Variants in ANKRD50 observed in about 807,000 individuals in gnomAD.
ANKRD50 encodes the protein ankyrin repeat domain 50, also known as ankyrin repeat domain-containing protein 50.
In ANKRD50, 40 loss-of-function variants were observed where a neutral mutation model predicts 112.0. The observed-to-expected ratio is 0.36, with a 90% CI of 0.28 to 0.46. The LOEUF (loss-of-function observed/expected upper bound fraction) is 0.46, where lower values mean the gene tolerates loss of function less well. Among genes scored for constraint, ANKRD50 ranks in the 20% least tolerant of loss-of-function variants. The pLI is 1.00. For missense variants in ANKRD50, 1,487 were observed against 1,701.7 expected, an observed-to-expected ratio of 0.87 and a Z score of 2.22; for synonymous variants, 613 against 619.1, an observed-to-expected ratio of 0.99 and a Z score of 0.15.
rs1725667721 is a variant in ANKRD50, at chr4:124,712,732, T to C, written c.-1038A>G. ...CCGCCGCCGCCGTCAGGGCAGTAAC[T>C]GTCTCAGGCAGCCCCCGGCCGGCCG... On this transcript the variant is annotated 5_prime_UTR_variant, in exon 1 of 5. Transcript: ENST00000504087. 6.5e-6 allele frequency: 1 copy of C among 152,830 alleles called. No homozygotes were observed. The highest frequency in any genetic ancestry group is 1.4e-5 in the Non-Finnish European group (1 of 69,418). 9.5% of individuals were successfully genotyped at this position (152,830 alleles called of 1,614,324 possible).
At chr4:124,679,601 T>C (rs947281313) in intron 2 of ANKRD50, among the ~76,000 whole-genome samples, 4 of 152,168 alleles carry the variant, frequency 2.6e-5, no homozygotes, top group African/African-American at 9.7e-5. Flanking sequence ...AATATTTACT[T>C]GATGTGTGCT....
chr4:124,686,171 T>C (rs544376459), intron 2 of ANKRD50, among the ~76,000 whole-genome samples: 1 of 152,312 alleles, frequency 6.6e-6, no homozygotes, highest in South Asian at 2.1e-4. Context: ...GAATATACTA[T>C]TAGATAATAG....
At chr4:124,704,437 T>C (rs1725460123) in intron 2 of ANKRD50, among the ~76,000 whole-genome samples, 1 of 152,176 alleles carries the variant, frequency 6.6e-6, no homozygotes, top group Non-Finnish European at 1.5e-5. Flanking sequence ...GAGATAGATA[T>C]CTGGCCACTT....
At position 124,664,483 on chromosome 4, in the gene ANKRD50, T is replaced by A. The variant is rs1432921128; in HGVS notation, c.*3035A>T. 1.3e-5 allele frequency: 2 copies of A among 152,424 alleles called. No homozygotes were observed. Among genetic ancestry groups the A allele is most frequent in the Non-Finnish European group, 2.9e-5 (2 of 67,904 alleles). 9.4% of individuals were successfully genotyped at this position (152,424 alleles called of 1,614,324 possible). Reference sequence around the variant, plus strand: ...TCAAGGACAAAATTAAAACAAGATCTTCTCTGTAAAGCAAATATATTTATT... The same window carrying A: ...TCAAGGACAAAATTAAAACAAGATCATCTCTGTAAAGCAAATATATTTATT... On this transcript the variant is annotated 3_prime_UTR_variant, in exon 5 of 5. Coordinates refer to ENST00000504087, the MANE Select transcript of ANKRD50 (RefSeq NM_020337.3).
At chr4:124,709,940 A>C (rs1316383587) in intron 2 of ANKRD50, 60 bp downstream of exon 2, 1 of 1,540,472 alleles carries the variant, frequency 6.5e-7, no homozygotes, top group African/African-American at 1.4e-5. Context: ...AAAAACTACA[A>C]CTAAAAATTA....
intron 2 of ANKRD50, among the ~76,000 whole-genome samples, chr4:124,704,816 T>TCAC (rs1725467913): frequency 2.6e-5 from 4 of 152,094 alleles, no homozygotes; most frequent in Admixed American, 2.0e-4. Flanking sequence ...ACAACACGGC[T>TCAC]GGGCGCAGTG....
chr4:124,702,850 T>G (rs1725420282), intron 2 of ANKRD50, among the ~76,000 whole-genome samples: 1 of 152,132 alleles, frequency 6.6e-6, no homozygotes, highest in Non-Finnish European at 1.5e-5. Context: ...TAACACATAG[T>G]TGACACTGAA....
chr4:124,689,211 G>A (rs1272785077), intron 2 of ANKRD50, among the ~76,000 whole-genome samples: 1 of 152,070 alleles, frequency 6.6e-6, no homozygotes, highest in African/African-American at 2.4e-5. Context: ...CACACAAAGT[G>A]GATGATTTAT....
chr4:124,683,507 A>C (rs1195394185), intron 2 of ANKRD50, among the ~76,000 whole-genome samples: 1 of 151,950 alleles, frequency 6.6e-6, no homozygotes, highest in Non-Finnish European at 1.5e-5. Flanking sequence ...AGTATTATTG[A>C]ATACTAGAAC....
intron 2 of ANKRD50, among the ~76,000 whole-genome samples, chr4:124,694,404 G>C (rs1045011098): frequency 6.6e-6 from 1 of 152,116 alleles, no homozygotes; most frequent in East Asian, 1.9e-4. Context: ...ACATTTCAAA[G>C]TATCAGAAAT....
intron 2 of ANKRD50, among the ~76,000 whole-genome samples, chr4:124,703,919 A>G (rs1725449755): frequency 6.6e-6 from 1 of 152,190 alleles, no homozygotes; most frequent in Non-Finnish European, 1.5e-5. Flanking sequence ...GAGGTTGAGG[A>G]CTGGTTCAGC....
rs1403010768 is a variant in ANKRD50 at position 124,670,353 on chromosome 4, C to T, written c.2924G>A (p.Ser975Asn). The T allele has an allele frequency of 1.2e-6, 2 of 1,613,964 alleles. No homozygotes were observed. The highest frequency in any genetic ancestry group is 1.7e-5 in the Admixed American group (1 of 59,976). The change falls in exon 4 of 5, where the codon AGT (serine) becomes AAT (asparagine). Residue 975 changes from serine to asparagine, a missense_variant. Ser to Asn is a conservative substitution (Grantham distance 46). Transcript: ENST00000504087. ...AAGTGCTGTCCTTCCTTCAGCATCA[C>T]TTGCTTCTACGTTTGCACCATTTTC... Reference protein sequence around the residue: ...FLENGANVEASDAEGRTALHV... With the variant: ...FLENGANVEANDAEGRTALHV...
At chr4:124,706,346 A>G (rs1462870401) in intron 2 of ANKRD50, among the ~76,000 whole-genome samples, 1 of 152,238 alleles carries the variant, frequency 6.6e-6, no homozygotes, top group Admixed American at 6.5e-5. Flanking sequence ...AGAATATACT[A>G]TACCATGTCA....
intron 2 of ANKRD50, among the ~76,000 whole-genome samples, chr4:124,681,236 C>T (rs1340014198): frequency 6.6e-6 from 1 of 152,160 alleles, no homozygotes; most frequent in East Asian, 1.9e-4. Flanking sequence ...TTAAGTACTT[C>T]ACACATCCAT....
intron 4 of ANKRD50, among the ~76,000 whole-genome samples, chr4:124,667,986 GAA>G (rs139905352): frequency 0.014 from 2,192 of 151,986 alleles, 50 homozygotes; most frequent in African/African-American, 0.05. Flanking sequence ...CAGCAAAAAG[GAA>G]AGAGTATATA....
chr4:124,682,786 T>C (rs1395666253), intron 2 of ANKRD50, among the ~76,000 whole-genome samples: 1 of 152,144 alleles, frequency 6.6e-6, no homozygotes, highest in Non-Finnish European at 1.5e-5. Context: ...TGAAGTGAAA[T>C]TTTTATAGGC....
At chr4:124,706,429 C>G (rs769052599) in intron 2 of ANKRD50, among the ~76,000 whole-genome samples, 4 of 152,002 alleles carry the variant, frequency 2.6e-5, no homozygotes, top group Non-Finnish European at 5.9e-5. Context: ...TTATTATGAA[C>G]TAGTAATTAA....
chr4:124,673,107 T>C (rs1274353392), intron 3 of ANKRD50, among the ~76,000 whole-genome samples: 2 of 152,106 alleles, frequency 1.3e-5, no homozygotes, highest in South Asian at 2.1e-4. Flanking sequence ...AATAAATAGC[T>C]TGAACCAATT....
chr4:124,680,296 A>C (rs1175379592), intron 2 of ANKRD50, among the ~76,000 whole-genome samples: 12 of 152,212 alleles, frequency 7.9e-5, no homozygotes, highest in Admixed American at 7.9e-4. Context: ...AAGACTTGAC[A>C]TTGTTGCAAG....
Sources: gnomAD v4.1 joint callset for allele counts (sites outside exome capture counted in the v4.1 genomes callset) on GRCh38, gnomAD v4.1.1 for gene constraint, MANE v1.5 for transcripts, NCBI Gene and HGNC (gene_info 2026-07-23, HGNC 2026-07-21) for gene names.